The following COL21A1 variants were observed in gnomAD, a reference collection of about 807,000 sequenced individuals.
COL21A1 encodes the protein collagen type XXI alpha 1 chain.
In COL21A1, 149 loss-of-function variants were observed where a neutral mutation model predicts 137.9. That is an observed-to-expected ratio of 1.08 (90% CI 0.95 to 1.24). The LOEUF is 1.24. Among genes scored for constraint, COL21A1 ranks in the 50% most tolerant of loss-of-function variants. The probability of loss-of-function intolerance (pLI) is 0.00; values close to 1 mark genes in which losing one functional copy is unlikely to be tolerated. For missense variants in COL21A1, 1,167 were observed against 1,158.4 expected (o/e 1.01, Z -0.11); for synonymous variants, 456 against 391.5 (o/e 1.16, Z -1.95).
chr6:56,329,144 T>C (rs1453518195), intron 1 of COL21A1, among the ~76,000 whole-genome samples: 4 of 152,160 alleles, frequency 2.6e-5, no homozygotes, highest in Admixed American at 6.6e-5. Flanking sequence ...GTAAGGCATA[T>C]AGTACAGGCT....
intron 1 of COL21A1, among the ~76,000 whole-genome samples, chr6:56,301,450 A>G (rs948770944): frequency 1.3e-5 from 2 of 152,200 alleles, no homozygotes. Context: ...CTTAGCCCAT[A>G]TGACCTATTT....
At chr6:56,300,404 T>A (rs1173752245) in intron 1 of COL21A1, among the ~76,000 whole-genome samples, 1 of 152,120 alleles carries the variant, frequency 6.6e-6, no homozygotes, top group Non-Finnish European at 1.5e-5. Context: ...TTTTGAAAAA[T>A]AACCTTTTAT....
rs180823388 is a variant in COL21A1 at position 56,071,929 on chromosome 6, C to T, written c.1966-1131G>A. Among the ~76,000 whole-genome samples the T allele has an allele frequency of 1.0e-3, 151 of 151,580 alleles. 1 individual carries two copies. Among genetic ancestry groups the T allele is most frequent in the Admixed American group, 2.0e-3 (31 of 15,150 alleles). On this transcript the variant is annotated intron_variant, in intron 20 of 29. Transcript: ENST00000244728. The stretch of plus-strand genomic sequence containing the variant: ...CAACCCATCACCTAGGTATTAAGCC[C>T]AGCATGCATTAGCTATTTTTTATGA...
chr6:56,108,419 G>C (rs371111960), intron 16 of COL21A1, among the ~76,000 whole-genome samples: 28 of 152,036 alleles, frequency 1.8e-4, no homozygotes, highest in East Asian at 1.5e-3. Flanking sequence ...ATGGGCGAAG[G>C]TGCAGCAAGC....
intron 3 of COL21A1, among the ~76,000 whole-genome samples, chr6:56,174,216 T>TA (rs1487661933): frequency 1.3e-5 from 2 of 150,528 alleles, no homozygotes; most frequent in African/African-American, 4.9e-5. Context: ...ATGCCTACAT[T>TA]AAAAAAGAAA....
chr6:56,147,631 A>G (rs1360000742), intron 10 of COL21A1, among the ~76,000 whole-genome samples: 1 of 152,146 alleles, frequency 6.6e-6, no homozygotes, highest in Non-Finnish European at 1.5e-5. Flanking sequence ...AGAATTTAAT[A>G]TACCAATAAC....
intron 1 of COL21A1, among the ~76,000 whole-genome samples, chr6:56,217,458 C>T (rs975592089): frequency 6.6e-6 from 1 of 152,018 alleles, no homozygotes; most frequent in Non-Finnish European, 1.5e-5. Context: ...CAATAAGAAA[C>T]TCCCTATAAA....
intron 9 of COL21A1, among the ~76,000 whole-genome samples, chr6:56,161,049 A>G (rs546605804): frequency 4.6e-5 from 7 of 152,228 alleles, no homozygotes; most frequent in Admixed American, 1.3e-4. Flanking sequence ...CAGTCTGAAA[A>G]ATTTTAACAT....
intron 19 of COL21A1, among the ~76,000 whole-genome samples, chr6:56,075,087 C>T (rs545264266): frequency 3.0e-4 from 45 of 151,310 alleles, no homozygotes; most frequent in Non-Finnish European, 5.5e-4. Flanking sequence ...TTAGGAGCTT[C>T]CCATACTATG....
At chr6:56,309,514 C>CT (rs1764555233) in intron 1 of COL21A1, among the ~76,000 whole-genome samples, 1 of 152,108 alleles carries the variant, frequency 6.6e-6, no homozygotes, top group African/African-American at 2.4e-5. Flanking sequence ...AATAAAATAG[C>CT]CATCACATGT....
At chr6:56,191,738 G>T (rs979516317) in intron 1 of COL21A1, among the ~76,000 whole-genome samples, 7 of 152,046 alleles carry the variant, frequency 4.6e-5, no homozygotes, top group African/African-American at 1.5e-4. Flanking sequence ...AAGGAAATAA[G>T]AGAGGACACA....
chr6:56,309,176 G>A (rs1429809182), intron 1 of COL21A1, among the ~76,000 whole-genome samples: 1 of 151,854 alleles, frequency 6.6e-6, no homozygotes, highest in Admixed American at 6.6e-5. Context: ...TGAGTAGCTG[G>A]GACTACAGAC....
In COL21A1 at chr6:56,067,335, A is replaced by C. The variant is rs761758777; in HGVS notation, c.2092-5T>G. ...ACCTTGATTTCCTTTGTCCCCCTAC[A>C]AAAAGGCAGTTTGATCTGTATCATA... On this transcript the variant is annotated splice_polypyrimidine_tract_variant and splice_region_variant and intron_variant, in intron 22 of 29. Coordinates refer to ENST00000244728, the MANE Select transcript of COL21A1 (RefSeq NM_030820.4). The C allele has an allele frequency of 8.1e-6, 13 of 1,608,040 alleles. No individual in the cohort carries two copies. The highest frequency in any genetic ancestry group is 1.3e-5 in the African/African-American group (1 of 74,628).
intron 1 of COL21A1, among the ~76,000 whole-genome samples, chr6:56,287,438 G>A (rs567686019): frequency 6.6e-6 from 1 of 152,222 alleles, no homozygotes; most frequent in East Asian, 1.9e-4. Flanking sequence ...ACTGGATCAT[G>A]GGAGAAGACT....
At chr6:56,211,839 T>A (rs1003929019) in intron 1 of COL21A1, among the ~76,000 whole-genome samples, 1 of 152,108 alleles carries the variant, frequency 6.6e-6, no homozygotes, top group Admixed American at 6.6e-5. Flanking sequence ...ATAAAATACA[T>A]CAATCTATAC....
At chr6:56,236,205 T>C (rs772083874) in intron 1 of COL21A1, among the ~76,000 whole-genome samples, 3 of 151,982 alleles carry the variant, frequency 2.0e-5, no homozygotes, top group South Asian at 2.1e-4. Flanking sequence ...ACTTGGGGCA[T>C]ATATTAGCTG....
intron 1 of COL21A1, among the ~76,000 whole-genome samples, chr6:56,245,391 T>C (rs1045079576): frequency 1.3e-5 from 2 of 152,196 alleles, no homozygotes; most frequent in African/African-American, 4.8e-5. Context: ...ATAAAGTATG[T>C]AATCAAATTA....
At chr6:56,089,825 T>C (rs897938001) in intron 17 of COL21A1, among the ~76,000 whole-genome samples, 3 of 152,206 alleles carry the variant, frequency 2.0e-5, no homozygotes, top group Non-Finnish European at 4.4e-5. Context: ...ATTGCATTTA[T>C]TCCTCTTGAA....
intron 7 of COL21A1, among the ~76,000 whole-genome samples, chr6:56,166,085 GTATC>G (rs1776563981): frequency 1.3e-5 from 2 of 151,830 alleles, no homozygotes; most frequent in African/African-American, 4.8e-5. Context: ...AACAAGAAAA[GTATC>G]TATTCATTAT....
Sources: allele counts gnomAD v4.1 joint callset (sites outside exome capture counted in the v4.1 genomes callset), GRCh38; gene constraint gnomAD v4.1.1; transcripts MANE v1.5; gene names NCBI Gene and HGNC (gene_info 2026-07-23, HGNC 2026-07-21).